SIN3B: variants seen among roughly 807,000 people sequenced by gnomAD.
The protein encoded by SIN3B is paired amphipathic helix protein Sin3b.
A neutral mutation model predicts 120.2 loss-of-function variants in SIN3B; 19 were observed. That is an observed-to-expected ratio of 0.16 (90% confidence interval 0.11 to 0.23). The LOEUF is 0.23. Ranked by LOEUF, SIN3B falls within the 10% of genes least tolerant of loss-of-function variation. The probability of loss-of-function intolerance (pLI) is 1.00; values close to 1 mark genes in which losing one functional copy is unlikely to be tolerated. For missense variants in SIN3B, 1,073 were observed against 1,573.0 expected, an observed-to-expected ratio of 0.68 and a Z score of 5.38; for synonymous variants, 654 against 653.2, an observed-to-expected ratio of 1.00 and a Z score of -0.02.
Position 16,878,860 on chromosome 19 carries a change from C to G in SIN3B, c.*133C>G. On this transcript the variant is annotated 3_prime_UTR_variant, in exon 19 of 19. Transcript: ENST00000248054. ...CCCTCTGCTGCCGGACAGCGCACTC[C>G]AGGGCAGGACGCCGCCCCCGTGGCT... 1.2e-6 allele frequency: 1 copy of G among 823,712 alleles called. No individual in the cohort carries two copies. Among genetic ancestry groups the G allele is most frequent in the South Asian group, 1.8e-5 (1 of 56,052 alleles). 51.0% of individuals were successfully genotyped at this position (823,712 alleles called of 1,614,324 possible). A position where few individuals can be genotyped will look rare whatever the true frequency, so the allele number is the denominator to read the frequency against.
In SIN3B at chr19:16,851,470, C is replaced by A. The variant is rs778612005; in HGVS notation, c.785C>A (p.Thr262Asn). The A allele has an allele frequency of 1.2e-6, 2 of 1,610,266 alleles. No individual in the cohort carries two copies. Among genetic ancestry groups the A allele is most frequent in the Admixed American group, 1.7e-5 (1 of 59,628 alleles). ...GTGCAGAAGAACGAGCACGACAAGA[C>A]CCCGGAGCACAGCAGGAAGCGCTCC... ...HSVQKNEHDK[T>N]PEHSRKRSRP... The change falls in exon 6 of 19, where the codon ACC becomes AAC. Residue 262 changes from threonine (T) to asparagine (N), a missense_variant. By Grantham distance (65) the Thr-to-Asn change is moderately conservative (BLOSUM62 0). This residue lies in a region of SIN3B where 395 missense variants were observed against 528.0 expected (regional missense o/e 0.75). Coordinates refer to ENST00000248054, the MANE Select transcript of SIN3B (RefSeq NM_001297595.2).
intron 14 of SIN3B, among the ~76,000 whole-genome samples, chr19:16,875,168 T>A (rs1169917598): frequency 6.7e-6 from 1 of 149,258 alleles, no homozygotes; most frequent in Non-Finnish European, 1.5e-5. Flanking sequence ...GGGTCTGGTC[T>A]GGTCTGGTCT....
chr19:16,849,561 A>G (rs938728204), intron 5 of SIN3B, among the ~76,000 whole-genome samples: 2 of 152,210 alleles, frequency 1.3e-5, no homozygotes, highest in Non-Finnish European at 2.9e-5. Context: ...TTAATTTGCC[A>G]TTCCCTAGCC....
intron 8 of SIN3B, among the ~76,000 whole-genome samples, chr19:16,860,221 T>A (rs1971667810): frequency 6.6e-6 from 1 of 152,192 alleles, no homozygotes; most frequent in African/African-American, 2.4e-5. Flanking sequence ...CATGTGGCGT[T>A]CCTCCGCGTG....
intron 8 of SIN3B, among the ~76,000 whole-genome samples, chr19:16,858,789 A>G (rs1241908769): frequency 3.9e-5 from 6 of 152,012 alleles, no homozygotes; most frequent in Non-Finnish European, 5.9e-5. Flanking sequence ...TTCTCTACTA[A>G]AAATAAAAAA....
Position 16,877,560 on chromosome 19 carries a change from G to T in SIN3B, c.2875G>T (p.Val959Leu). The T allele has an allele frequency of 6.2e-7, 1 of 1,610,488 alleles. No individual in the cohort carries two copies. Among genetic ancestry groups the T allele is most frequent in the South Asian group, 1.1e-5 (1 of 89,920 alleles). Reference sequence around the variant, plus strand: ...CTGTCCCCAGCACCTGGCTCGGTACGTGGAGCAGTATGTGGGGACCGAGGG... The same window carrying T: ...CTGTCCCCAGCACCTGGCTCGGTACTTGGAGCAGTATGTGGGGACCGAGGG... ...PVEVQHLARY[V>L]EQYVGTEGAS... Residue 959 changes from valine (V) to leucine (L), a missense_variant, in exon 17 of 19, where the codon GTG becomes TTG. Coordinates refer to ENST00000248054, the MANE Select transcript of SIN3B (RefSeq NM_001297595.2).
chr19:16,850,451 T>TTTG (rs1041520204), intron 5 of SIN3B, among the ~76,000 whole-genome samples: 16 of 152,154 alleles, frequency 1.1e-4, no homozygotes, highest in Non-Finnish European at 1.9e-4. Flanking sequence ...CCTTGTTTTT[T>TTTG]TTTGTTTGTT....
At position 16,878,215 on chromosome 19, in the gene SIN3B, G is replaced by C; in HGVS notation, c.2987G>C (p.Ser996Thr). 6.3e-7 allele frequency: 1 copy of C among 1,588,374 alleles called. No individual in the cohort carries two copies. Among genetic ancestry groups the C allele is most frequent in the Non-Finnish European group, 8.6e-7 (1 of 1,165,462 alleles). Residue 996 changes from serine (S) to threonine (T), a missense_variant, in exon 18 of 19, where the codon AGC (serine) becomes ACC (threonine). Ser to Thr is a moderately conservative substitution (Grantham distance 58, BLOSUM62 1). Coordinates refer to ENST00000248054, the MANE Select transcript of SIN3B (RefSeq NM_001297595.2). ...AAGAAGTTCCGCCGCCGGTGGCAGA[G>C]CGAGCAGGCGCGGGCCCTGCGCGGT... ...NLKKFRRRWQSEQARALRGEA... is the reference protein window; with the variant it reads ...NLKKFRRRWQTEQARALRGEA...
chr19:16,874,912 G>A (rs2051568521), intron 14 of SIN3B, among the ~76,000 whole-genome samples: 1 of 150,806 alleles, frequency 6.6e-6, no homozygotes, highest in Admixed American at 6.6e-5. Context: ...GGTCTAATCT[G>A]GTCTAGTTTG....
In SIN3B at chr19:16,831,623, C is replaced by T. The variant is rs373882538; in HGVS notation, c.357C>T (p.Asn119=). The stretch of plus-strand genomic sequence containing the variant: ...ACATTCCCAAGAATGGCAAGTTAAA[C>T]ATACAGTCGCCTCTGACAAGCCAGG... ...RIDIPKNGKL[N]IQSPLTSQEN... Residue 119 remains asparagine, a synonymous_variant, in exon 3 of 19, where the codon AAC becomes AAT. Transcript: ENST00000248054. 7 of 1,614,038 alleles carry T rather than the reference C, an allele frequency of 4.3e-6. No individual in the cohort carries two copies. In the African/African-American group the frequency reaches 8.0e-5, roughly 18 times the overall value.
chr19:16,847,242 G>A (rs1031157556), intron 5 of SIN3B, 129 bp downstream of exon 5: 6 of 1,006,556 alleles, frequency 6.0e-6, no homozygotes, highest in East Asian at 5.1e-5. Flanking sequence ...CAGAAGCTAC[G>A]CAGGTTGCAG....
At chr19:16,856,243 C>T (rs1273449186) in intron 8 of SIN3B, among the ~76,000 whole-genome samples, 1 of 151,988 alleles carries the variant, frequency 6.6e-6, no homozygotes, top group Admixed American at 6.6e-5. Flanking sequence ...CAGGAGTGTG[C>T]GCGGTAGGAG....
chr19:16,853,287 C>T (rs950797393), intron 7 of SIN3B, 129 bp downstream of exon 7: 26 of 776,972 alleles, frequency 3.3e-5, no homozygotes, highest in Admixed American at 1.0e-4. Flanking sequence ...ATGGATCCGG[C>T]GGGGCTGGCC....
At chr19:16,864,029 G>C (rs1971726273) in intron 10 of SIN3B, among the ~76,000 whole-genome samples, 1 of 152,184 alleles carries the variant, frequency 6.6e-6, no homozygotes, top group Non-Finnish European at 1.5e-5. Flanking sequence ...CGTAGTGGCA[G>C]ACACCTGTAA....
intron 2 of SIN3B, among the ~76,000 whole-genome samples, chr19:16,830,466 T>TG (rs1388984348): frequency 2.0e-5 from 3 of 152,172 alleles, no homozygotes; most frequent in Non-Finnish European, 4.4e-5. Flanking sequence ...TACAGATAGA[T>TG]GGGAAACCCT....
intron 8 of SIN3B, among the ~76,000 whole-genome samples, chr19:16,861,655 C>T (rs1458587397): frequency 6.6e-6 from 1 of 150,518 alleles, no homozygotes; most frequent in Admixed American, 6.7e-5. Context: ...CCCAGCTACT[C>T]AGAAAGCTGA....
At position 16,854,154 on chromosome 19, in the gene SIN3B, G is replaced by A. The variant is rs1971581923; in HGVS notation, c.951G>A (p.Val317=). The change falls in exon 8 of 19, where the codon GTG becomes GTA. Residue 317 remains valine, a synonymous_variant. Coordinates refer to ENST00000248054, the MANE Select transcript of SIN3B (RefSeq NM_001297595.2). ...TGCTCTCTCTGCAGGTCCGCCGGGTGCTGAAGAGCCAGGAGGTGTATGAAA... is the reference window on the plus strand; with the variant it reads ...TGCTCTCTCTGCAGGTCCGCCGGGTACTGAAGAGCCAGGAGGTGTATGAAA... ...EFSFFDKVRR[V]LKSQEVYENF... 6.2e-7 allele frequency: 1 copy of A among 1,611,644 alleles called. No individual in the cohort carries two copies. Among genetic ancestry groups the A allele is most frequent in the Non-Finnish European group, 8.5e-7 (1 of 1,179,604 alleles).
intron 8 of SIN3B, among the ~76,000 whole-genome samples, chr19:16,858,946 C>A (rs1283959439): frequency 6.6e-6 from 1 of 151,264 alleles, no homozygotes; most frequent in South Asian, 2.1e-4. Flanking sequence ...CAAGCTGTCT[C>A]AAAAAAACGA....
At chr19:16,869,335 C>G (rs1217666834) in intron 12 of SIN3B, 125 bp from the exon 13 acceptor site, 9 of 1,283,382 alleles carry the variant, frequency 7.0e-6, no homozygotes, top group Non-Finnish European at 5.2e-6. Flanking sequence ...TGTTCGCCAC[C>G]CATCCTGCTC....
Sources: gnomAD v4.1 joint callset for allele counts (sites outside exome capture counted in the v4.1 genomes callset) on GRCh38, gnomAD v4.1.1 for gene constraint, gnomAD v4.1.1 regional missense constraint, MANE v1.5 for transcripts, NCBI Gene and HGNC (gene_info 2026-07-23, HGNC 2026-07-21) for gene names.